CHSY3: variants seen among roughly 807,000 people sequenced by gnomAD.
CHSY3 encodes N-acetylgalactosaminyl-proteoglycan 3-beta-glucuronosyltransferase 3.
CHSY3 carries 35 observed loss-of-function variants against 67.2 expected under a neutral mutation model. The ratio of observed to expected loss-of-function variants is 0.52; its 90% confidence interval spans 0.40 to 0.69. The LOEUF is 0.69. Ranked by LOEUF, CHSY3 falls within the 30% of genes least tolerant of loss-of-function variation. The probability of loss-of-function intolerance (pLI) is 0.00; values close to 1 mark genes in which losing one functional copy is unlikely to be tolerated. For missense variants in CHSY3, 1,069 were observed against 1,138.5 expected (o/e 0.94, Z 0.88); for synonymous variants, 474 against 434.7 (o/e 1.09, Z -1.12).
chr5:130,050,311 C>G (rs949160465), intron 2 of CHSY3, among the ~76,000 whole-genome samples: 13 of 152,090 alleles, frequency 8.5e-5, no homozygotes, highest in Admixed American at 7.9e-4. Context: ...TTTACCTGTT[C>G]AAAAATAACT....
intron 2 of CHSY3, among the ~76,000 whole-genome samples, chr5:130,003,722 T>C (rs889107098): frequency 1.3e-5 from 2 of 152,176 alleles, no homozygotes; most frequent in African/African-American, 4.8e-5. Context: ...CTATAGGCAA[T>C]TTGAGACCCT....
chr5:129,936,891 C>G (rs561157895), intron 2 of CHSY3, among the ~76,000 whole-genome samples: 2 of 152,310 alleles, frequency 1.3e-5, no homozygotes, highest in South Asian at 2.1e-4. Context: ...TGGTGCTGCT[C>G]ATGTTATTCC....
rs1285066017 is a variant in CHSY3 at position 130,143,730 on chromosome 5, G to GTATATA, written c.1087-40498_1087-40497insATATAT. 3.1e-4 allele frequency among the ~76,000 whole-genome samples: 32 copies of GTATATA among 104,520 alleles called. 1 individual carries two copies. The highest frequency in any genetic ancestry group is 1.2e-3 in the African/African-American group (29 of 24,342). The allele number at this position is 104,520 out of a possible 152,430, so 68.6% of individuals were successfully genotyped here. A position where few individuals can be genotyped will look rare whatever the true frequency, so the allele number is the denominator to read the frequency against. The stretch of plus-strand genomic sequence containing the variant: ...AGGGTATATATATATATGTGTGTGT[G>GTATATA]TGTGTATATATATATATATATATAT... On this transcript the variant is annotated intron_variant, in intron 2 of 2. Coordinates refer to ENST00000305031, the MANE Select transcript of CHSY3 (RefSeq NM_175856.5).
At chr5:129,905,665 G>A (rs748100153) in intron 1 of CHSY3, 34 bp downstream of exon 1, 2 of 1,604,036 alleles carry the variant, frequency 1.2e-6, no homozygotes, top group South Asian at 1.1e-5. Flanking sequence ...CAGCCTGCCA[G>A]TCTCCCCGAC....
chr5:130,047,963 G>A (rs1215525401), intron 2 of CHSY3, among the ~76,000 whole-genome samples: 1 of 147,914 alleles, frequency 6.8e-6, no homozygotes, highest in Admixed American at 6.7e-5. Context: ...CCTTTTTTAA[G>A]TAAAAATAAT....
chr5:129,981,281 G>T lies in CHSY3; in HGVS notation c.1086+72921G>T, dbSNP rs572279969. Among the ~76,000 whole-genome samples, 5 of 151,410 alleles carry T rather than the reference G, an allele frequency of 3.3e-5. 1 individual carries two copies. The South Asian group carries it at 1.0e-3, about 32-fold the overall frequency. ...TGGATCTATTTCTGAGCTTTATTTT[G>T]TGTTTCATTGATCTGTAATATTTGT... On this transcript the variant is annotated intron_variant, in intron 2 of 2. Coordinates refer to ENST00000305031, the MANE Select transcript of CHSY3 (RefSeq NM_175856.5).
At chr5:130,101,582 T>C (rs1767247592) in intron 2 of CHSY3, among the ~76,000 whole-genome samples, 1 of 152,144 alleles carries the variant, frequency 6.6e-6, no homozygotes, top group African/African-American at 2.4e-5. Context: ...ACATACATTT[T>C]TGAGGTGAGA....
At chr5:129,922,080 G>T (rs950108665) in intron 2 of CHSY3, among the ~76,000 whole-genome samples, 5 of 152,268 alleles carry the variant, frequency 3.3e-5, no homozygotes, top group Admixed American at 1.3e-4. Context: ...GTGAGAACAT[G>T]TGAAGTTTGT....
In CHSY3 at chr5:130,151,762, G is replaced by T. The variant is rs113929675; in HGVS notation, c.1087-32467G>T. On this transcript the variant is annotated intron_variant, in intron 2 of 2. Coordinates refer to ENST00000305031, the MANE Select transcript of CHSY3 (RefSeq NM_175856.5). ...ACTCAGTATCATGAGAACATCATGG[G>T]GGTAACCGCCCCCATGATTCAGTTA... Among the ~76,000 whole-genome samples the T allele has an allele frequency of 5.9e-5, 9 of 152,026 alleles. 1 individual carries two copies. Among genetic ancestry groups the T allele is most frequent in the African/African-American group, 2.2e-4 (9 of 41,466 alleles).
intron 2 of CHSY3, among the ~76,000 whole-genome samples, chr5:130,011,436 A>G (rs1269523963): frequency 6.6e-6 from 1 of 152,220 alleles, no homozygotes; most frequent in African/African-American, 2.4e-5. Flanking sequence ...CTTCATGTTA[A>G]AAACCCTCAG....
chr5:129,960,633 C>T (rs1762303534), intron 2 of CHSY3, among the ~76,000 whole-genome samples: 1 of 151,878 alleles, frequency 6.6e-6, no homozygotes, highest in African/African-American at 2.4e-5. Context: ...TTAAGACTCT[C>T]AATGTAATAA....
At chr5:130,066,371 A>C (rs1765886421) in intron 2 of CHSY3, among the ~76,000 whole-genome samples, 1 of 152,076 alleles carries the variant, frequency 6.6e-6, no homozygotes, top group African/African-American at 2.4e-5. Context: ...TTTGAATACT[A>C]TGAGAACTAA....
At chr5:130,047,944 CTTT>C (rs919801942) in intron 2 of CHSY3, among the ~76,000 whole-genome samples, 2 of 147,228 alleles carry the variant, frequency 1.4e-5, no homozygotes, top group Non-Finnish European at 2.9e-5. Context: ...GAGTATCAAC[CTTT>C]TTTTTCCTTT....
chr5:130,064,315 T>G (rs1765812585), intron 2 of CHSY3, among the ~76,000 whole-genome samples: 1 of 152,148 alleles, frequency 6.6e-6, no homozygotes, highest in Non-Finnish European at 1.5e-5. Context: ...TCCTGTCATG[T>G]AGATATAAGG....
At chr5:130,148,169 C>T (rs564940838) in intron 2 of CHSY3, among the ~76,000 whole-genome samples, 1 of 152,278 alleles carries the variant, frequency 6.6e-6, no homozygotes, top group East Asian at 1.9e-4. Flanking sequence ...TCTGTTCCTG[C>T]ATTACTTTGC....
chr5:129,972,169 A>C (rs1762660557), intron 2 of CHSY3, among the ~76,000 whole-genome samples: 1 of 152,104 alleles, frequency 6.6e-6, no homozygotes, highest in Non-Finnish European at 1.5e-5. Context: ...AGATTAAGTC[A>C]AAATTATTTA....
At chr5:130,156,256 T>C (rs1455624317) in intron 2 of CHSY3, among the ~76,000 whole-genome samples, 1 of 152,180 alleles carries the variant, frequency 6.6e-6, no homozygotes, top group African/African-American at 2.4e-5. Flanking sequence ...TGCTTCAAAA[T>C]AGAATGAGAG....
chr5:129,926,616 T>G (rs1761119304), intron 2 of CHSY3, among the ~76,000 whole-genome samples: 1 of 151,970 alleles, frequency 6.6e-6, no homozygotes, highest in Non-Finnish European at 1.5e-5. Context: ...TTCCCTTTTT[T>G]TTTAAATAAT....
intron 2 of CHSY3, among the ~76,000 whole-genome samples, chr5:129,996,960 T>C (rs1400520781): frequency 6.6e-6 from 1 of 152,182 alleles, no homozygotes; most frequent in Non-Finnish European, 1.5e-5. Flanking sequence ...ACAAATTTTT[T>C]TGAACCAATG....
Sources: allele counts gnomAD v4.1 joint callset (sites outside exome capture counted in the v4.1 genomes callset), GRCh38; gene constraint gnomAD v4.1.1; transcripts MANE v1.5; gene names NCBI Gene and HGNC (gene_info 2026-07-23, HGNC 2026-07-21).